Variants in ASXL1 observed in about 807,000 individuals in gnomAD.
ASXL1 encodes the protein ASXL transcriptional regulator 1.
A neutral mutation model predicts 89.1 loss-of-function variants in ASXL1; 65 were observed. The observed-to-expected ratio is 0.73, with a 90% CI of 0.60 to 0.90. The LOEUF (loss-of-function observed/expected upper bound fraction) is 0.90. Among genes scored for constraint, ASXL1 ranks in the 40% least tolerant of loss-of-function variants. ASXL1 has a pLI of 0.00. For missense variants in ASXL1, 1,786 were observed against 1,942.9 expected (o/e 0.92, Z 1.52); for synonymous variants, 739 against 746.9 (o/e 0.99, Z 0.17).
chr20:32,405,888 A>G (rs1479498146), intron 4 of ASXL1, among the ~76,000 whole-genome samples: 1 of 152,082 alleles, frequency 6.6e-6, no homozygotes, highest in Non-Finnish European at 1.5e-5. Context: ...TCATCACTAT[A>G]AAGCTCCTTT....
intron 4 of ASXL1, among the ~76,000 whole-genome samples, chr20:32,394,197 T>C (rs1182080445): frequency 1.3e-5 from 2 of 152,080 alleles, no homozygotes; most frequent in Admixed American, 1.3e-4. Flanking sequence ...AGAGACAGGG[T>C]TTCACTATAT....
chr20:32,406,389 A>G (rs998421746), intron 4 of ASXL1, among the ~76,000 whole-genome samples: 27 of 144,972 alleles, frequency 1.9e-4, no homozygotes, highest in African/African-American at 2.5e-4. Flanking sequence ...CTATATGGGG[A>G]AAAAAAAAAA....
At chr20:32,422,861 A>C (rs534984510) in intron 4 of ASXL1, among the ~76,000 whole-genome samples, 472 of 152,210 alleles carry the variant, frequency 3.1e-3, no homozygotes, top group African/African-American at 0.011. Context: ...CTGGGATTGC[A>C]GGCATGAGCC....
chr20:32,390,384 T>C (rs939642367), intron 4 of ASXL1, among the ~76,000 whole-genome samples: 6 of 152,210 alleles, frequency 3.9e-5, no homozygotes, highest in African/African-American at 1.4e-4. Flanking sequence ...CATTTTAAAA[T>C]ACAGGAAATT....
At chr20:32,431,073 C>T in intron 8 of ASXL1, 1 of 660,976 alleles carries the variant, frequency 1.5e-6, no homozygotes, top group Non-Finnish European at 2.8e-6. Context: ...GTGTCCTTTT[C>T]AGGCTGTGAC....
intron 4 of ASXL1, among the ~76,000 whole-genome samples, chr20:32,420,750 G>A (rs1403763930): frequency 6.6e-6 from 1 of 151,830 alleles, no homozygotes; most frequent in East Asian, 1.9e-4. Flanking sequence ...GTATTAAAAA[G>A]GTTCAGAATA....
intron 4 of ASXL1, among the ~76,000 whole-genome samples, chr20:32,420,816 A>G (rs2049230700): frequency 6.6e-6 from 1 of 152,196 alleles, no homozygotes; most frequent in Non-Finnish European, 1.5e-5. Flanking sequence ...AATGGGTGAA[A>G]GACTTGAACA....
At chr20:32,385,603 T>G (rs1239145052) in intron 4 of ASXL1, among the ~76,000 whole-genome samples, 1 of 152,176 alleles carries the variant, frequency 6.6e-6, no homozygotes, top group Non-Finnish European at 1.5e-5. Context: ...TCCTGACAAT[T>G]CTACTTCTAA....
chr20:32,377,450 G>A (rs1600489870), intron 4 of ASXL1, among the ~76,000 whole-genome samples: 1 of 151,948 alleles, frequency 6.6e-6, no homozygotes, highest in East Asian at 1.9e-4. Context: ...TTTGATAAAA[G>A]TTTTTCTGGG....
At position 32,434,653 on chromosome 20, in the gene ASXL1, G is replaced by A. The variant is rs368131501; in HGVS notation, c.1941G>A (p.Pro647=). Residue 647 remains proline, a synonymous_variant, in exon 13 of 13, where the codon CCG becomes CCA. Transcript: ENST00000375687. ...ATTAIGGGGG[P]GGGGGGATDE... ...CTGCCATCGGAGGGGGGGGTGGCCCGGGTGGAGGTGGCGGCGGGGCCACCG... is the reference window on the plus strand; with the variant it reads ...CTGCCATCGGAGGGGGGGGTGGCCCAGGTGGAGGTGGCGGCGGGGCCACCG... The A allele has an allele frequency of 3.2e-5, 51 of 1,604,210 alleles. No individual in the cohort carries two copies. The African/African-American group carries it at 5.1e-4, about 16-fold the overall frequency.
intron 4 of ASXL1, among the ~76,000 whole-genome samples, chr20:32,386,569 C>T (rs1451862772): frequency 2.0e-5 from 3 of 151,972 alleles, no homozygotes; most frequent in Non-Finnish European, 4.4e-5. Context: ...AGGTGTGTGC[C>T]ACCATGCCCA....
intron 11 of ASXL1, 145 bp downstream of exon 11, chr20:32,433,130 G>C: frequency 1.3e-6 from 2 of 1,531,438 alleles, no homozygotes; most frequent in South Asian, 2.4e-5. Flanking sequence ...GCCATTCATA[G>C]TGAAGCTAAC....
chr20:32,412,738 T>G (rs895009794), intron 4 of ASXL1, among the ~76,000 whole-genome samples: 3 of 151,454 alleles, frequency 2.0e-5, no homozygotes, highest in African/African-American at 7.3e-5. Context: ...TTTTTTTTTT[T>G]GCAGACATGG....
rs1364222279 is a variant in ASXL1, at chr20:32,432,463, C to T, written c.980-417C>T. On this transcript the variant is annotated intron_variant, in intron 10 of 12. Coordinates refer to ENST00000375687, the MANE Select transcript of ASXL1 (RefSeq NM_015338.6). ...AGGAAGGCAGGTGTTCAGCATAAGCCGTATTGTTTGCATAAACAATTTAGG... is the reference window on the plus strand; with the variant it reads ...AGGAAGGCAGGTGTTCAGCATAAGCTGTATTGTTTGCATAAACAATTTAGG... 4 of 252,246 alleles carry T rather than the reference C, an allele frequency of 1.6e-5. No homozygotes were observed. In the East Asian group the frequency reaches 3.0e-4, roughly 19 times the overall value. The allele number at this position is 252,246 out of a possible 1,614,324, so 15.6% of individuals were successfully genotyped here. A position where few individuals can be genotyped will look rare whatever the true frequency, so the allele number is the denominator to read the frequency against.
rs2011833893 is a variant in ASXL1 at position 32,436,021 on chromosome 20, C to T, written c.3309C>T (p.Ala1103=). ...CCATGCCTGGGTCCTCAGTGGAGGC[C>T]ACTAACCCACTTGTGATGCAGTTGC... ...CLSMPGSSVE[A]TNPLVMQLLQ... Residue 1103 remains alanine (A), a synonymous_variant, in exon 13 of 13, where the codon GCC becomes GCT. Transcript: ENST00000375687. 6.2e-7 allele frequency: 1 copy of T among 1,614,152 alleles called. No individual in the cohort carries two copies.
chr20:32,360,013 A>C lies in ASXL1; in HGVS notation c.57+1181A>C, dbSNP rs909445489. 8 of 564,788 alleles carry C rather than the reference A, an allele frequency of 1.4e-5. No individual in the cohort carries two copies. The African/African-American group carries it at 1.5e-4, about 11-fold the overall frequency. 35.0% of individuals were successfully genotyped at this position (564,788 alleles called of 1,614,324 possible). A position where few individuals can be genotyped will look rare whatever the true frequency, so the allele number is the denominator to read the frequency against. ...AGTTTTAATGATGAGTGAAGCTCAG[A>C]CTTAATTTTCTCTCTTATTTTGAAG... On this transcript the variant is annotated intron_variant, in intron 1 of 12. Transcript: ENST00000375687.
chr20:32,389,183 T>TTAAAA (rs1435283235), intron 4 of ASXL1, among the ~76,000 whole-genome samples: 2 of 152,222 alleles, frequency 1.3e-5, no homozygotes, highest in African/African-American at 2.4e-5. Context: ...TTTTCCTGCT[T>TTAAAA]TAAAATATAT....
intron 4 of ASXL1, among the ~76,000 whole-genome samples, chr20:32,384,209 T>G (rs574079347): frequency 0.019 from 2,709 of 139,094 alleles, 87 homozygotes; most frequent in African/African-American, 0.075. Context: ...TTTTTTTTTT[T>G]TTTTTTTTTT....
At chr20:32,372,536 A>G (rs1327860853) in intron 4 of ASXL1, 2 of 399,138 alleles carry the variant, frequency 5.0e-6, no homozygotes, top group East Asian at 7.7e-5. Context: ...TTCAATAAAT[A>G]TATATTTAAT....
Sources: allele counts gnomAD v4.1 joint callset (sites outside exome capture counted in the v4.1 genomes callset), GRCh38; gene constraint gnomAD v4.1.1; transcripts MANE v1.5; gene names NCBI Gene and HGNC (gene_info 2026-07-23, HGNC 2026-07-21).